SPIB: variants seen among roughly 807,000 people sequenced by gnomAD.
The protein encoded by SPIB is transcription factor Spi-B.
SPIB carries 7 observed loss-of-function variants against 31.9 expected under a neutral mutation model. The ratio of observed to expected loss-of-function variants is 0.22; its 90% CI spans 0.12 to 0.41. SPIB has a LOEUF of 0.41. Among genes scored for constraint, SPIB ranks in the 10% least tolerant of loss-of-function variants. The pLI is 1.00. For synonymous variants in SPIB, 176 were observed against 158.9 expected (o/e 1.11, Z -0.81); for missense variants, 327 against 360.2 (o/e 0.91, Z 0.75).
intron 5 of SPIB, 24 bp downstream of exon 5, chr19:50,423,779 G>T (rs1278366392): frequency 6.3e-7 from 1 of 1,583,868 alleles, no homozygotes; most frequent in Non-Finnish European, 8.6e-7. Context: ...GCTGGGGTGG[G>T]GGAGATGCCA....
In SPIB at chr19:50,423,052, G is replaced by T. The variant is rs770607430; in HGVS notation, c.339+15G>T. 1 of 1,272,132 alleles carries T rather than the reference G, an allele frequency of 7.9e-7. No homozygotes were observed. Among genetic ancestry groups the T allele is most frequent in the Middle Eastern group, 2.6e-4 (1 of 3,788 alleles). The allele number at this position is 1,272,132 out of a possible 1,614,324, so 78.8% of individuals were successfully genotyped here. A position where few individuals can be genotyped will look rare whatever the true frequency, so the allele number is the denominator to read the frequency against. On this transcript the variant is annotated intron_variant, in intron 4 of 5. Transcript: ENST00000595883. ...TCGCTAGCCAGGTGAGTGGTAAGGG[G>T]ACAGTTAAAATCAAGCCCAAACCAG... is the stretch of plus-strand genomic sequence containing the variant.
chr19:50,428,240 C>G lies in SPIB; in HGVS notation c.693C>G (p.Leu231=). 1 of 1,561,534 alleles carries G rather than the reference C, an allele frequency of 6.4e-7. No homozygotes were observed. The highest frequency in any genetic ancestry group is 8.7e-7 in the Non-Finnish European group (1 of 1,152,490). Residue 231 remains leucine (L), a synonymous_variant, in exon 6 of 6, where the codon CTC becomes CTG. Transcript: ENST00000595883. This position sits in a 1 kb window ranked among gnomAD's most constrained non-coding sequence, Gnocchi z 6.5. The part of the protein sequence containing the change: ...RMTYQKLARA[L]RNYAKTGEIR... ...CCTACCAGAAGCTGGCGCGCGCCCT[C>G]CGAAACTACGCCAAGACCGGCGAGA...
chr19:50,421,821 T>C (rs1242711294), intron 2 of SPIB, among the ~76,000 whole-genome samples: 2 of 152,242 alleles, frequency 1.3e-5, no homozygotes, highest in Middle Eastern at 6.8e-3. Flanking sequence ...CCCCATGTTG[T>C]GCAGGCTGGT....
intron 4 of SPIB, 39 bp from the exon 5 acceptor site, chr19:50,423,566 G>C (rs1236203007): frequency 6.3e-7 from 1 of 1,598,920 alleles, no homozygotes; most frequent in Non-Finnish European, 8.5e-7. Flanking sequence ...AGGGAGACAA[G>C]GGGTCCCTGG....
At chr19:50,420,008 G>A (rs368426910) in intron 2 of SPIB, 35 bp downstream of exon 2, 2 of 1,435,176 alleles carry the variant, frequency 1.4e-6, no homozygotes, top group East Asian at 2.8e-5. Context: ...GGGAGGGGTG[G>A]CCCACAGTGA....
intron 5 of SPIB, among the ~76,000 whole-genome samples, chr19:50,427,299 C>T (rs987860331): frequency 2.0e-5 from 3 of 148,480 alleles, no homozygotes; most frequent in South Asian, 2.2e-4. Flanking sequence ...TCGAGGTGGG[C>T]GGATCACCTG....
Position 50,418,953 on chromosome 19 carries a change from C to T in SPIB, c.-10C>T, listed in dbSNP as rs772940778. The T allele has an allele frequency of 4.3e-5, 67 of 1,553,640 alleles. No individual in the cohort carries two copies. Among genetic ancestry groups the T allele is most frequent in the South Asian group, 1.5e-4 (13 of 84,318 alleles). ...TGCAGCGGGCGGCAAACAGCCCGCCCGGCACCACCATGCTCGCCCTGGAGG... is the reference window on the plus strand; with the variant it reads ...TGCAGCGGGCGGCAAACAGCCCGCCTGGCACCACCATGCTCGCCCTGGAGG... On this transcript the variant is annotated 5_prime_UTR_variant, in exon 1 of 6. Coordinates refer to ENST00000595883, the MANE Select transcript of SPIB (RefSeq NM_003121.5). The surrounding 1 kb of genome is among the most constrained non-coding windows in gnomAD (Gnocchi z 6.0).
At position 50,422,675 on chromosome 19, in the gene SPIB, C is replaced by T. The variant is rs1485953589; in HGVS notation, c.124+130C>T. ...GGCCCGGGCCTATAGCCCTCCTCCC[C>T]TTTCCTCTCCTACCCATCCGCTCCT... is the stretch of plus-strand genomic sequence containing the variant. On this transcript the variant is annotated intron_variant, in intron 3 of 5. Coordinates refer to ENST00000595883, the MANE Select transcript of SPIB (RefSeq NM_003121.5). 6 of 1,116,142 alleles carry T rather than the reference C, an allele frequency of 5.4e-6. No homozygotes were observed. In the East Asian group the frequency reaches 7.3e-5, roughly 14 times the overall value. 69.1% of individuals were successfully genotyped at this position (1,116,142 alleles called of 1,614,324 possible). A position where few individuals can be genotyped will look rare whatever the true frequency, so the allele number is the denominator to read the frequency against.
intron 5 of SPIB, among the ~76,000 whole-genome samples, 170 bp from the exon 6 acceptor site, chr19:50,427,868 C>CA (rs1555795030): frequency 2.7e-4 from 15 of 55,368 alleles, no homozygotes; most frequent in South Asian, 1.4e-3. Flanking sequence ...GCCCCCCCCC[C>CA]CCCCCGTGGT....
rs2039508128 is a variant in SPIB, at chr19:50,422,466, G to GT, written c.52-6dup. On this transcript the variant is annotated splice_polypyrimidine_tract_variant and splice_region_variant and intron_variant, in intron 2 of 5. Transcript: ENST00000595883. ...TGACCCCTCTTCCCTCCTGCACCCC[G>GT]TATCAGTACCCAGATGGCGTCTTCT... 6.2e-7 allele frequency: 1 copy of GT among 1,613,756 alleles called. No individual in the cohort carries two copies. The highest frequency in any genetic ancestry group is 2.2e-5 in the East Asian group (1 of 44,862).
At chr19:50,419,758 C>T in intron 1 of SPIB, 188 bp from the exon 2 acceptor site, 1 of 498,536 alleles carries the variant, frequency 2.0e-6, no homozygotes, top group South Asian at 3.8e-5. Flanking sequence ...CATTTGCCTC[C>T]CCCCCACCCC....
chr19:50,419,952 C>G lies in SPIB; in HGVS notation c.30C>G (p.Asp10Glu). MLALEAAQL[D>E]GPHFSCLYPD... is the part of the protein sequence containing the mutation. ...TGTGTCTCTCCCCCTCCAGGCTCGA[C>G]GGGCCACACTTCAGCTGTCTGGTGA... Residue 10 changes from aspartate (D) to glutamate (E), a missense_variant, in exon 2 of 6, where the codon GAC (aspartate) becomes GAG (glutamate). This residue lies in a region of SPIB where 238 missense variants were observed against 228.8 expected (regional missense o/e 1.04). Transcript: ENST00000595883. The G allele has an allele frequency of 6.6e-7, 1 of 1,523,494 alleles. No individual in the cohort carries two copies. The highest frequency in any genetic ancestry group is 8.7e-7 in the Non-Finnish European group (1 of 1,144,204). The allele number at this position is 1,523,494 out of a possible 1,614,324, so 94.4% of individuals were successfully genotyped here.
At chr19:50,422,178 C>T (rs553605990) in intron 2 of SPIB, among the ~76,000 whole-genome samples, 4 of 152,210 alleles carry the variant, frequency 2.6e-5, no homozygotes, top group South Asian at 2.1e-4. Context: ...CTTCTCCAGG[C>T]GCCCTGATTC....
Position 50,429,055 on chromosome 19 carries a change from A to G in SPIB, c.*719A>G, listed in dbSNP as rs1368268918. The G allele has an allele frequency of 6.6e-6, 1 of 152,208 alleles. No homozygotes were observed. Among genetic ancestry groups the G allele is most frequent in the Non-Finnish European group, 1.5e-5 (1 of 68,152 alleles). 9.4% of individuals were successfully genotyped at this position (152,208 alleles called of 1,614,324 possible). On this transcript the variant is annotated 3_prime_UTR_variant, in exon 6 of 6. Transcript: ENST00000595883. ...TGGGGTGGAGGATGGGGAGTCAGTG[A>G]AATGTGTCATGTCTGGGCCCTGTCA...
Position 50,428,216 on chromosome 19 carries a change from C to T in SPIB, c.669C>T (p.Thr223=), listed in dbSNP as rs747371792. 4.4e-6 allele frequency: 7 copies of T among 1,576,832 alleles called. No homozygotes were observed. The highest frequency in any genetic ancestry group is 6.0e-6 in the Non-Finnish European group (7 of 1,161,212). ...AGAAGGGGAACCGCAAGCGCATGACCTACCAGAAGCTGGCGCGCGCCCTCC... is the reference window on the plus strand; with the variant it reads ...AGAAGGGGAACCGCAAGCGCATGACTTACCAGAAGCTGGCGCGCGCCCTCC... ...GQQKGNRKRM[T]YQKLARALRN... The change falls in exon 6 of 6, where the codon ACC becomes ACT. Residue 223 remains threonine, a synonymous_variant. Transcript: ENST00000595883. This position sits in a 1 kb window ranked among gnomAD's most constrained non-coding sequence, Gnocchi z 6.5.
rs369160029 is a variant in SPIB at position 50,422,673 on chromosome 19, C to T, written c.124+128C>T. ...GTGGCCCGGGCCTATAGCCCTCCTC[C>T]CCTTTCCTCTCCTACCCATCCGCTC... On this transcript the variant is annotated intron_variant, in intron 3 of 5. Coordinates refer to ENST00000595883, the MANE Select transcript of SPIB (RefSeq NM_003121.5). The T allele has an allele frequency of 9.7e-5, 111 of 1,139,852 alleles. No individual in the cohort carries two copies. In the African/African-American group the frequency reaches 1.4e-3, roughly 15 times the overall value. 70.6% of individuals were successfully genotyped at this position (1,139,852 alleles called of 1,614,324 possible).
At chr19:50,422,371 C>A in intron 2 of SPIB, 102 bp from the exon 3 acceptor site, 1 of 921,574 alleles carries the variant, frequency 1.1e-6, no homozygotes, top group Non-Finnish European at 1.7e-6. Context: ...ATCCCCTCTT[C>A]TCTCCCATGT....
rs989669607 is a variant in SPIB, at chr19:50,430,534, G to A, written c.*2198G>A. The A allele has an allele frequency of 6.6e-6, 1 of 152,276 alleles. No homozygotes were observed. The highest frequency in any genetic ancestry group is 3.1e-3 in the Middle Eastern group (1 of 320). The allele number at this position is 152,276 out of a possible 1,614,324, so 9.4% of individuals were successfully genotyped here. On this transcript the variant is annotated 3_prime_UTR_variant, in exon 6 of 6. Transcript: ENST00000595883. ...CGATGCAGGTGGATCACCTGAGGTA[G>A]GAGTTCAAGACCAGCCTGACCAACA...
chr19:50,427,421 A>C (rs1021281125), intron 5 of SPIB, among the ~76,000 whole-genome samples: 1 of 152,218 alleles, frequency 6.6e-6, no homozygotes, highest in Non-Finnish European at 1.5e-5. Flanking sequence ...GGTACTCGGG[A>C]GGCTGAGGCA....
Sources: allele counts gnomAD v4.1 joint callset (sites outside exome capture counted in the v4.1 genomes callset), GRCh38; gene constraint gnomAD v4.1.1; regional missense constraint gnomAD v4.1.1; non-coding constraint Gnocchi (gnomAD v3.1); transcripts MANE v1.5; gene names NCBI Gene and HGNC (gene_info 2026-07-23, HGNC 2026-07-21).